FAF1: variants seen among roughly 807,000 people sequenced by gnomAD.
FAF1 encodes Fas associated factor 1.
A neutral mutation model predicts 92.5 loss-of-function variants in FAF1; 25 were observed. The observed-to-expected ratio is 0.27, with a 90% CI of 0.20 to 0.38. The LOEUF is 0.38. FAF1 is among the 10% of genes least tolerant of loss of function. The pLI is 1.00. For synonymous variants in FAF1, 234 were observed against 273.2 expected, an observed-to-expected ratio of 0.86 and a Z score of 1.42; for missense variants, 636 against 793.3, an observed-to-expected ratio of 0.80 and a Z score of 2.38.
chr1:50,959,976 G>T lies in FAF1; in HGVS notation c.-165C>A, dbSNP rs983973718. On this transcript the variant is annotated 5_prime_UTR_variant, in exon 1 of 19. Coordinates refer to ENST00000396153, the MANE Select transcript of FAF1 (RefSeq NM_007051.3). Reference sequence around the variant, plus strand: ...CGGGCCAGCGGGCGGGGCAGCGCGGGAAGCGCTAGGCGCTCATGCACTCGG... The same window carrying T: ...CGGGCCAGCGGGCGGGGCAGCGCGGTAAGCGCTAGGCGCTCATGCACTCGG... 1 of 392,036 alleles carries T rather than the reference G, an allele frequency of 2.6e-6. No homozygotes were observed. The highest frequency in any genetic ancestry group is 2.1e-5 in the African/African-American group (1 of 47,800). The allele number at this position is 392,036 out of a possible 1,614,324, so 24.3% of individuals were successfully genotyped here. A position where few individuals can be genotyped will look rare whatever the true frequency, so the allele number is the denominator to read the frequency against.
intron 4 of FAF1, 108 bp downstream of exon 4, chr1:50,787,892 C>CT (rs1429133375): frequency 2.3e-6 from 2 of 870,898 alleles, no homozygotes; most frequent in East Asian, 2.6e-5. Context: ...TTTCAACTTG[C>CT]TTTTTTTCCC....
intron 1 of FAF1, among the ~76,000 whole-genome samples, chr1:50,905,589 T>C (rs1320739420): frequency 6.6e-6 from 1 of 152,202 alleles, no homozygotes; most frequent in Non-Finnish European, 1.5e-5. Flanking sequence ...AACTGTGAGA[T>C]GGTATCTGAT....
In FAF1 at chr1:50,475,499, C is replaced by T. The variant is rs759164469; in HGVS notation, c.1834G>A (p.Glu612Lys). The change falls in exon 18 of 19, where the codon GAG (glutamate) becomes AAG (lysine). Residue 612 changes from glutamate (E) to lysine (K), a missense_variant. By Grantham distance (56) the Glu-to-Lys change is moderately conservative. Coordinates refer to ENST00000396153, the MANE Select transcript of FAF1 (RefSeq NM_007051.3). ...GGAAAGGTGCTCAGTAACTTGTACT[C>T]ATCCCATGGAAATCCTTTGGAAGCT... ...FVASKGFPWD[E>K]YKLLSTFPRR... The T allele has an allele frequency of 6.2e-7, 1 of 1,614,102 alleles. No individual in the cohort carries two copies. The highest frequency in any genetic ancestry group is 8.5e-7 in the Non-Finnish European group (1 of 1,179,968).
At chr1:50,547,994 G>A (rs1649118021) in intron 13 of FAF1, among the ~76,000 whole-genome samples, 1 of 152,130 alleles carries the variant, frequency 6.6e-6, no homozygotes, top group Admixed American at 6.5e-5. Flanking sequence ...GGATAATAGA[G>A]AACATCTAAT....
chr1:50,818,591 G>A (rs1302042652), intron 2 of FAF1, among the ~76,000 whole-genome samples: 1 of 152,180 alleles, frequency 6.6e-6, no homozygotes, highest in Non-Finnish European at 1.5e-5. Flanking sequence ...ACATTATGTT[G>A]AGTGAACAAT....
chr1:50,852,675 T>C (rs796881592), intron 2 of FAF1, among the ~76,000 whole-genome samples: 14 of 152,284 alleles, frequency 9.2e-5, no homozygotes, highest in African/African-American at 3.4e-4. Context: ...TTCAAAACTT[T>C]ACCCCTTAAC....
chr1:50,959,671 C>G, intron 1 of FAF1, 96 bp downstream of exon 1: 1 of 1,074,778 alleles, frequency 9.3e-7, no homozygotes, highest in East Asian at 2.8e-5. Flanking sequence ...AAATGACACA[C>G]CACTGCAGCG....
intron 8 of FAF1, among the ~76,000 whole-genome samples, chr1:50,616,398 A>G (rs1652914252): frequency 6.6e-6 from 1 of 152,200 alleles, no homozygotes; most frequent in Non-Finnish European, 1.5e-5. Context: ...TTTGATCGGA[A>G]TAACACAGAA....
intron 1 of FAF1, among the ~76,000 whole-genome samples, chr1:50,889,328 T>C (rs1246664405): frequency 2.0e-5 from 3 of 152,220 alleles, no homozygotes; most frequent in East Asian, 3.8e-4. Context: ...CCTGGATTCA[T>C]TGATTTTTTG....
At chr1:50,769,259 C>A (rs983658984) in intron 4 of FAF1, among the ~76,000 whole-genome samples, 3 of 152,142 alleles carry the variant, frequency 2.0e-5, no homozygotes, top group African/African-American at 7.2e-5. Context: ...GAAATTTAAT[C>A]CCTGAACAGA....
At chr1:50,586,321 T>C (rs1389696378) in intron 9 of FAF1, among the ~76,000 whole-genome samples, 1 of 152,172 alleles carries the variant, frequency 6.6e-6, no homozygotes, top group African/African-American at 2.4e-5. Flanking sequence ...TGTTGACACC[T>C]GGGGTATAGC....
At chr1:50,821,930 G>A (rs1220409546) in intron 2 of FAF1, among the ~76,000 whole-genome samples, 1 of 151,756 alleles carries the variant, frequency 6.6e-6, no homozygotes, top group Non-Finnish European at 1.5e-5. Context: ...ATGGCCTACG[G>A]TCACCGAAAT....
intron 18 of FAF1, among the ~76,000 whole-genome samples, chr1:50,472,401 ACACACAC>A (rs1646586042): frequency 6.6e-6 from 1 of 150,982 alleles, no homozygotes; most frequent in Non-Finnish European, 1.5e-5. Context: ...ACACACACAC[ACACACAC>A]ACACACACAC....
At chr1:50,848,134 T>C (rs1428601942) in intron 2 of FAF1, among the ~76,000 whole-genome samples, 3 of 152,114 alleles carry the variant, frequency 2.0e-5, no homozygotes, top group East Asian at 3.8e-4. Context: ...CTTAAACTTA[T>C]ACCAAAAAAT....
intron 1 of FAF1, among the ~76,000 whole-genome samples, chr1:50,929,045 C>G (rs1017649269): frequency 4.3e-5 from 6 of 138,012 alleles, no homozygotes; most frequent in African/African-American, 1.6e-4. Context: ...GTACCCCAGC[C>G]TGGGTGACAT....
chr1:50,937,541 G>A (rs1316713690), intron 1 of FAF1, among the ~76,000 whole-genome samples: 2 of 151,958 alleles, frequency 1.3e-5, no homozygotes, highest in Non-Finnish European at 2.9e-5. Context: ...ATGGACATGA[G>A]GAAAGATACA....
At chr1:50,952,799 C>G (rs1645229190) in intron 1 of FAF1, among the ~76,000 whole-genome samples, 1 of 151,884 alleles carries the variant, frequency 6.6e-6, no homozygotes, top group Non-Finnish European at 1.5e-5. Context: ...GCCCGGCCGC[C>G]CCGTCTGGGA....
chr1:50,832,975 A>T (rs1180875969), intron 2 of FAF1, among the ~76,000 whole-genome samples: 1 of 152,166 alleles, frequency 6.6e-6, no homozygotes, highest in African/African-American at 2.4e-5. Context: ...CGAAGACAGG[A>T]TCTGCAGAGA....
At chr1:50,956,152 A>G (rs1404732518) in intron 1 of FAF1, among the ~76,000 whole-genome samples, 1 of 152,244 alleles carries the variant, frequency 6.6e-6, no homozygotes, top group Non-Finnish European at 1.5e-5. Flanking sequence ...GGTAAATTTT[A>G]TAAGGATTGT....
Sources: allele counts gnomAD v4.1 joint callset (sites outside exome capture counted in the v4.1 genomes callset), GRCh38; gene constraint gnomAD v4.1.1; transcripts MANE v1.5; gene names NCBI Gene and HGNC (gene_info 2026-07-23, HGNC 2026-07-21).